COPZ1: variants seen among roughly 807,000 people sequenced by gnomAD.
The protein encoded by COPZ1 is coat protein complex I subunit zeta 1.
Under a neutral mutation model 31.7 loss-of-function variants are expected in COPZ1, and 4 were observed. The observed-to-expected ratio is 0.13, with a 90% CI of 0.06 to 0.29. The LOEUF (loss-of-function observed/expected upper bound fraction) is 0.29, where lower values mean the gene tolerates loss of function less well. Ranked by LOEUF, COPZ1 falls within the 10% of genes least tolerant of loss-of-function variation. The pLI is 1.00. For missense variants in COPZ1, 156 were observed against 211.5 expected (o/e 0.74, Z 1.63); for synonymous variants, 74 against 79.0 (o/e 0.94, Z 0.33).
chr12:54,326,724 C>T (rs2137080539), intron 1 of COPZ1, among the ~76,000 whole-genome samples: 1 of 149,226 alleles, frequency 6.7e-6, no homozygotes, highest in Non-Finnish European at 1.5e-5. Context: ...TCCCAGCCTT[C>T]TTCCTTAATT....
At chr12:54,339,076 C>G (rs1207369940) in intron 1 of COPZ1, among the ~76,000 whole-genome samples, 3 of 151,924 alleles carry the variant, frequency 2.0e-5, no homozygotes, top group African/African-American at 7.3e-5. Context: ...AAAGAGGTAG[C>G]AAAGCAACAG....
chr12:54,344,171 C>G (rs1954020543), intron 4 of COPZ1, among the ~76,000 whole-genome samples: 1 of 152,192 alleles, frequency 6.6e-6, no homozygotes, highest in South Asian at 2.1e-4. Flanking sequence ...GAGACATAGG[C>G]CGAACGTGGT....
intron 3 of COPZ1, chr12:54,342,708 T>TA (rs1953991933): frequency 5.2e-6 from 1 of 193,450 alleles, no homozygotes; most frequent in Admixed American, 5.5e-5. Context: ...TTACAGAAGA[T>TA]ACATTTAGAC....
At chr12:54,337,181 A>G (rs747370533) in intron 1 of COPZ1, 5 of 533,546 alleles carry the variant, frequency 9.4e-6, no homozygotes, top group South Asian at 5.6e-5. Flanking sequence ...AAGTCACCCA[A>G]TCTCCCACAA....
intron 1 of COPZ1, among the ~76,000 whole-genome samples, chr12:54,333,104 G>A (rs897723545): frequency 3.9e-5 from 6 of 152,164 alleles, no homozygotes; most frequent in Middle Eastern, 3.4e-3. Flanking sequence ...GCAGTGGTGC[G>A]ATGATCTTGG....
intron 1 of COPZ1, among the ~76,000 whole-genome samples, chr12:54,332,470 C>G (rs1953774617): frequency 6.6e-6 from 1 of 151,916 alleles, no homozygotes; most frequent in African/African-American, 2.4e-5. Context: ...GGCATGGTAG[C>G]TCACGCGTGT....
rs1136765 is a variant in COPZ1 at position 54,351,130 on chromosome 12, G to T, written c.*607G>T. 6.4e-6 allele frequency: 1 copy of T among 156,650 alleles called. No homozygotes were observed. The highest frequency in any genetic ancestry group is 1.4e-5 in the Non-Finnish European group (1 of 70,534). 9.7% of individuals were successfully genotyped at this position (156,650 alleles called of 1,614,324 possible). On this transcript the variant is annotated 3_prime_UTR_variant, in exon 9 of 9. Coordinates refer to ENST00000262061, the MANE Select transcript of COPZ1 (RefSeq NM_016057.3). ...GAAGGGACAACATGGAAGAAACAGC[G>T]ATTTAAATTGTATTGAACAGGGCAT...
At chr12:54,338,449 C>T (rs1953911347) in intron 1 of COPZ1, among the ~76,000 whole-genome samples, 1 of 152,142 alleles carries the variant, frequency 6.6e-6, no homozygotes, top group Admixed American at 6.5e-5. Flanking sequence ...CAACAAAGTT[C>T]TTTAGTTTGA....
chr12:54,343,374 T>A, intron 4 of COPZ1, 58 bp downstream of exon 4: 1 of 1,431,458 alleles, frequency 7.0e-7, no homozygotes, highest in Non-Finnish European at 9.9e-7. Context: ...CCACAGGCAG[T>A]ACATAGCCAC....
chr12:54,337,019 C>CAAAAAAA (rs1182592654), intron 1 of COPZ1, among the ~76,000 whole-genome samples: 8 of 61,640 alleles, frequency 1.3e-4, no homozygotes, highest in Admixed American at 1.8e-4. Flanking sequence ...GAGACTGTCG[C>CAAAAAAA]AAAAAAAAAA....
At chr12:54,328,949 CAGTA>C (rs1219890375) in intron 1 of COPZ1, among the ~76,000 whole-genome samples, 4 of 152,206 alleles carry the variant, frequency 2.6e-5, no homozygotes, top group Admixed American at 1.3e-4. Context: ...TTCTAAATAA[CAGTA>C]AGTTCCCTTC....
chr12:54,341,581 A>G (rs1953974459), intron 2 of COPZ1, among the ~76,000 whole-genome samples: 1 of 152,238 alleles, frequency 6.6e-6, no homozygotes, highest in African/African-American at 2.4e-5. Flanking sequence ...ATGGGTCTTC[A>G]GCTGACTGCG....
chr12:54,328,356 G>C (rs890727156), intron 1 of COPZ1, among the ~76,000 whole-genome samples: 1 of 151,574 alleles, frequency 6.6e-6, no homozygotes, highest in Non-Finnish European at 1.5e-5. Flanking sequence ...CGGATCACGA[G>C]GTCAGGAGTT....
At chr12:54,350,447 T>G in intron 8 of COPZ1, 29 bp from the exon 9 acceptor site, 1 of 1,610,056 alleles carries the variant, frequency 6.2e-7, no homozygotes, top group Non-Finnish European at 8.5e-7. Flanking sequence ...GTCAGCAAGC[T>G]TTCCTCAATG....
At chr12:54,325,571 T>C (rs1346774113) in intron 1 of COPZ1, 1 of 177,634 alleles carries the variant, frequency 5.6e-6, no homozygotes, top group Non-Finnish European at 1.2e-5. Flanking sequence ...GTTTTGTCGT[T>C]ACAGACTCCT....
Position 54,325,131 on chromosome 12 carries a change from G to A in COPZ1, c.-33G>A. ...GCCAATCAGCGGCGGCGTTTCTTTT[G>A]CGGCTCCACGTCGGCACCAGCTGCG... On this transcript the variant is annotated 5_prime_UTR_variant, in exon 1 of 9. Coordinates refer to ENST00000262061, the MANE Select transcript of COPZ1 (RefSeq NM_016057.3). 1 of 1,558,518 alleles carries A rather than the reference G, an allele frequency of 6.4e-7. No individual in the cohort carries two copies. The highest frequency in any genetic ancestry group is 1.2e-5 in the South Asian group (1 of 84,688).
chr12:54,346,807 G>C, intron 5 of COPZ1: 1 of 583,598 alleles, frequency 1.7e-6, no homozygotes, highest in Non-Finnish European at 3.1e-6. Context: ...AGTGAGCTGT[G>C]ATCATGCTAC....
rs73314635 is a variant in COPZ1 at position 54,333,136 on chromosome 12, G to A, written c.19-7411G>A. 1.0e-2 allele frequency among the ~76,000 whole-genome samples: 1,520 copies of A among 152,100 alleles called. 13 individuals are homozygous for A. The highest frequency in any genetic ancestry group is 0.011 in the African/African-American group (437 of 41,476). The stretch of plus-strand genomic sequence containing the variant: ...TTGGCTCACTGCAATCTCCATCTCC[G>A]GGGTTTAAGCAATTCTCATGCCTCA... On this transcript the variant is annotated intron_variant, in intron 1 of 8. Transcript: ENST00000262061.
intron 6 of COPZ1, 55 bp from the exon 7 acceptor site, chr12:54,347,945 A>G (rs1164281596): frequency 3.7e-6 from 6 of 1,605,152 alleles, no homozygotes; most frequent in Admixed American, 1.7e-5. Context: ...GTTCCCCGAC[A>G]GTGAGTTGGG....
Sources: gnomAD v4.1 joint callset for allele counts (sites outside exome capture counted in the v4.1 genomes callset) on GRCh38, gnomAD v4.1.1 for gene constraint, MANE v1.5 for transcripts, NCBI Gene and HGNC (gene_info 2026-07-23, HGNC 2026-07-21) for gene names.